ERC1: variants seen among roughly 807,000 people sequenced by gnomAD.
ERC1 encodes RAB6 interacting protein 2.
ERC1 carries 56 observed loss-of-function variants against 132.0 expected under a neutral mutation model. The observed-to-expected ratio is 0.42, with a 90% CI of 0.34 to 0.53. The LOEUF is 0.53. ERC1 is among the 20% of genes least tolerant of loss of function. The pLI, the probability that ERC1 is intolerant of heterozygous loss-of-function variation, is 0.03. For synonymous variants in ERC1, 478 were observed against 476.1 expected, an observed-to-expected ratio of 1.00 and a Z score of -0.05; for missense variants, 1,202 against 1,349.9, an observed-to-expected ratio of 0.89 and a Z score of 1.72.
rs927336458 is a variant in ERC1 at position 1,405,642 on chromosome 12, G to T, written c.2926-2507G>T. Among the ~76,000 whole-genome samples, 9 of 152,188 alleles carry T rather than the reference G, an allele frequency of 5.9e-5. No individual in the cohort carries two copies. The East Asian group carries it at 1.2e-3, about 20-fold the overall frequency. Reference sequence around the variant, plus strand: ...CACTTGAACCCAGGAGGCAGAGGTTGCAGTGAGCCAGGATCACGCCATTGC... The same window carrying T: ...CACTTGAACCCAGGAGGCAGAGGTTTCAGTGAGCCAGGATCACGCCATTGC... On this transcript the variant is annotated intron_variant, in intron 16 of 18. Coordinates refer to ENST00000360905, the MANE Select transcript of ERC1 (RefSeq NM_178040.4).
At position 1,410,431 on chromosome 12, in the gene ERC1, G is replaced by A. The variant is rs988315534; in HGVS notation, c.3024+2184G>A. The A allele has an allele frequency of 6.1e-6, 8 of 1,321,342 alleles. No individual in the cohort carries two copies. In the African/African-American group the frequency reaches 1.2e-4, roughly 20 times the overall value. 81.9% of individuals were successfully genotyped at this position (1,321,342 alleles called of 1,614,324 possible). A position where few individuals can be genotyped will look rare whatever the true frequency, so the allele number is the denominator to read the frequency against. ...ATGGGCATAGCCAATCAGAGGCTTA[G>A]TTCAGCCATTTTGTTCAGAACGGTG... On this transcript the variant is annotated intron_variant, in intron 17 of 18. Transcript: ENST00000360905.
chr12:1,153,351 C>A (rs1951009778), intron 8 of ERC1, among the ~76,000 whole-genome samples: 1 of 152,242 alleles, frequency 6.6e-6, no homozygotes, highest in African/African-American at 2.4e-5. Context: ...GGCAAAGCTC[C>A]ACAATTTCTT....
At chr12:1,483,588 A>G (rs1397553972) in intron 18 of ERC1, among the ~76,000 whole-genome samples, 1 of 149,212 alleles carries the variant, frequency 6.7e-6, no homozygotes, top group Non-Finnish European at 1.5e-5. Flanking sequence ...TTATTGCAAA[A>G]TTGATGTTGC....
intron 7 of ERC1, among the ~76,000 whole-genome samples, chr12:1,132,258 TGTGAA>T (rs1450420556): frequency 6.6e-6 from 1 of 152,200 alleles, no homozygotes; most frequent in Non-Finnish European, 1.5e-5. Flanking sequence ...ACACAGGTGA[TGTGAA>T]TTGAATACTT....
In ERC1 at chr12:1,490,259, T is replaced by C; in HGVS notation, c.*29T>C. The C allele has an allele frequency of 6.2e-7, 1 of 1,607,376 alleles. No individual in the cohort carries two copies. Among genetic ancestry groups the C allele is most frequent in the Non-Finnish European group, 8.5e-7 (1 of 1,175,604 alleles). On this transcript the variant is annotated 3_prime_UTR_variant, in exon 19 of 19. Transcript: ENST00000360905. Reference sequence around the variant, plus strand: ...TGCTTTATGGGGAAGCCTGAGGTAGTCAACCCAGGAGCCAAGAAAAGAGAA... The same window carrying C: ...TGCTTTATGGGGAAGCCTGAGGTAGCCAACCCAGGAGCCAAGAAAAGAGAA...
rs149072163 is a variant in ERC1, at chr12:1,461,387, G to A, written c.3213+16637G>A. Among the ~76,000 whole-genome samples the A allele has an allele frequency of 3.1e-3, 479 of 152,300 alleles. 2 individuals are homozygous for A. The highest frequency in any genetic ancestry group is 0.02 in the Middle Eastern group (6 of 294). ...TTTTGGCTCTAAAATTGAACTTTGA[G>A]CCGGGCACAGTGGCTCACACTTGTA... On this transcript the variant is annotated intron_variant, in intron 18 of 18. Transcript: ENST00000360905.
intron 13 of ERC1, among the ~76,000 whole-genome samples, chr12:1,256,246 G>C (rs1360292185): frequency 6.7e-5 from 10 of 148,990 alleles, no homozygotes; most frequent in Admixed American, 6.7e-4. Flanking sequence ...GAAATACACA[G>C]TTGTAATTTA....
At chr12:1,432,667 C>T (rs2092830909) in intron 17 of ERC1, among the ~76,000 whole-genome samples, 3 of 152,160 alleles carry the variant, frequency 2.0e-5, no homozygotes, top group Admixed American at 2.0e-4. Flanking sequence ...CCCATTAATA[C>T]ACTGTTACCA....
At chr12:1,013,543 G>T (rs1288011993) in intron 1 of ERC1, among the ~76,000 whole-genome samples, 1 of 152,006 alleles carries the variant, frequency 6.6e-6, no homozygotes. Flanking sequence ...GGTATGCTCT[G>T]AAACAGTGCT....
rs1307654909 is a variant in ERC1, at chr12:1,418,623, CTTTCTTTCTTTCTTTCTT to C, written c.3024+10378_3024+10395del. 7.2e-3 allele frequency among the ~76,000 whole-genome samples: 904 copies of C among 125,914 alleles called. 8 individuals are homozygous for C. The highest frequency in any genetic ancestry group is 0.019 in the Middle Eastern group (5 of 264). 82.6% of individuals were successfully genotyped at this position (125,914 alleles called of 152,430 possible). On this transcript the variant is annotated intron_variant, in intron 17 of 18. Coordinates refer to ENST00000360905, the MANE Select transcript of ERC1 (RefSeq NM_178040.4). ...TCTTTCTTTCTTTCTTTCTTTCTTT[CTTTCTTTCTTTCTTTCTT>C]TCTCTCTCTCTCTCTCTCTCTTTCT... is the stretch of plus-strand genomic sequence containing the variant.
At chr12:1,201,454 GTAGTAACCAAGTGAATGTATTTAC>G (rs1187771983) in intron 12 of ERC1, among the ~76,000 whole-genome samples, 2 of 152,146 alleles carry the variant, frequency 1.3e-5, no homozygotes, top group Admixed American at 1.3e-4. Flanking sequence ...AAATGTACGT[GTAGTAACCAAGTGAATGTATTTAC>G]TAGTATAAAT....
intron 15 of ERC1, among the ~76,000 whole-genome samples, chr12:1,355,109 C>T (rs139424484): frequency 2.3e-4 from 35 of 152,276 alleles, no homozygotes; most frequent in Non-Finnish European, 4.3e-4. Flanking sequence ...TGTAAACTTA[C>T]TGGGCTCTGT....
chr12:1,062,233 T>G (rs993776246), intron 2 of ERC1, among the ~76,000 whole-genome samples: 1 of 152,106 alleles, frequency 6.6e-6, no homozygotes, highest in Non-Finnish European at 1.5e-5. Context: ...TCTGCCCGCC[T>G]CGGCCCCCGA....
At position 1,110,314 on chromosome 12, in the gene ERC1, G is replaced by A. The variant is rs1444069266; in HGVS notation, c.1284G>A (p.Val428=). 5 of 1,612,298 alleles carry A rather than the reference G, an allele frequency of 3.1e-6. No individual in the cohort carries two copies. The highest frequency in any genetic ancestry group is 2.2e-5 in the East Asian group (1 of 44,810). Residue 428 remains valine (V), a synonymous_variant, in exon 5 of 19, where the codon GTG becomes GTA. Transcript: ENST00000360905. The part of the protein sequence containing the change: ...EREEEMKQME[V]YRSHSKFMKN... ...AAGAAGAAATGAAGCAAATGGAAGTGTATCGGAGCCATTCTAAATTTATGA... is the reference window on the plus strand; with the variant it reads ...AAGAAGAAATGAAGCAAATGGAAGTATATCGGAGCCATTCTAAATTTATGA...
intron 17 of ERC1, among the ~76,000 whole-genome samples, chr12:1,418,635 CTT>C (rs770435776): frequency 0.011 from 1,124 of 99,498 alleles, 10 homozygotes; most frequent in African/African-American, 0.038. Flanking sequence ...TTCTTTCTTT[CTT>C]TCTTTCTCTC....
chr12:1,394,286 G>A (rs1457985211), intron 16 of ERC1, among the ~76,000 whole-genome samples: 1 of 151,640 alleles, frequency 6.6e-6, no homozygotes, highest in Non-Finnish European at 1.5e-5. Context: ...TGTAGTCCCA[G>A]CTACTGGGGA....
At chr12:1,356,213 AGTGTGTGTGTGTGTGTGT>A (rs71055145) in intron 15 of ERC1, among the ~76,000 whole-genome samples, 4 of 130,010 alleles carry the variant, frequency 3.1e-5, no homozygotes, top group Non-Finnish European at 6.2e-5. Flanking sequence ...AAAAAAAAAA[AGTGTGTGTGTGTGTGTGT>A]GTGTGTGTGT....
rs544914792 is a variant in ERC1 at position 1,269,359 on chromosome 12, C to G, written c.2619+6194C>G. On this transcript the variant is annotated intron_variant, in intron 14 of 18. Transcript: ENST00000360905. Reference sequence around the variant, plus strand: ...GCGGCTTTGTCCTGGGCCTTGAAGGCTAAGAAGCTTACCATGTGACAAGTG... The same window carrying G: ...GCGGCTTTGTCCTGGGCCTTGAAGGGTAAGAAGCTTACCATGTGACAAGTG... Among the ~76,000 whole-genome samples, 12 of 152,286 alleles carry G rather than the reference C, an allele frequency of 7.9e-5. No homozygotes were observed. In the South Asian group the frequency reaches 2.3e-3, roughly 29 times the overall value.
intron 12 of ERC1, among the ~76,000 whole-genome samples, chr12:1,219,785 A>G (rs1159444042): frequency 6.6e-6 from 1 of 151,932 alleles, no homozygotes; most frequent in Non-Finnish European, 1.5e-5. Context: ...ACAGGTGCAC[A>G]CCAACCATGC....
Sources: allele counts gnomAD v4.1 joint callset (sites outside exome capture counted in the v4.1 genomes callset), GRCh38; gene constraint gnomAD v4.1.1; transcripts MANE v1.5; gene names NCBI Gene and HGNC (gene_info 2026-07-23, HGNC 2026-07-21).